Variants in IPO9 observed in about 807,000 individuals in gnomAD.
IPO9 encodes importin-9.
IPO9 carries 28 observed loss-of-function variants against 128.6 expected under a neutral mutation model. That is an observed-to-expected ratio of 0.22 (90% CI 0.16 to 0.30). The LOEUF (loss-of-function observed/expected upper bound fraction) is 0.30. Ranked by LOEUF, IPO9 falls within the 10% of genes least tolerant of loss-of-function variation. The pLI, the probability that IPO9 is intolerant of heterozygous loss-of-function variation, is 1.00. For synonymous variants in IPO9, 455 were observed against 475.8 expected, an observed-to-expected ratio of 0.96 and a Z score of 0.57; for missense variants, 935 against 1,293.9, an observed-to-expected ratio of 0.72 and a Z score of 4.26.
chr1:201,879,275 A>T lies in IPO9; in HGVS notation c.*3221A>T, dbSNP rs1333292179. ...GAGAAAATGATGCTAAACTGGTCTT[A>T]GAATCTTCTTTAATTTTGTTAACTA... On this transcript the variant is annotated 3_prime_UTR_variant, in exon 24 of 24. Transcript: ENST00000361565. The T allele has an allele frequency of 6.6e-6, 1 of 152,248 alleles. No individual in the cohort carries two copies. The highest frequency in any genetic ancestry group is 6.5e-5 in the Admixed American group (1 of 15,282). The allele number at this position is 152,248 out of a possible 1,614,324, so 9.4% of individuals were successfully genotyped here.
intron 1 of IPO9, among the ~76,000 whole-genome samples, chr1:201,834,112 G>T (rs1024441580): frequency 6.6e-5 from 10 of 151,828 alleles, no homozygotes; most frequent in African/African-American, 2.4e-4. Flanking sequence ...TTTTGAGTTT[G>T]ATCAGGTTTG....
intron 11 of IPO9, 101 bp from the exon 12 acceptor site, chr1:201,858,346 A>G: frequency 3.5e-6 from 2 of 569,306 alleles, no homozygotes; most frequent in Non-Finnish European, 3.1e-6. Flanking sequence ...TATGTGAAAG[A>G]GCTTGAACCA....
intron 14 of IPO9, among the ~76,000 whole-genome samples, chr1:201,864,794 A>G (rs1680519219): frequency 6.6e-6 from 1 of 152,172 alleles, no homozygotes; most frequent in Admixed American, 6.5e-5. Flanking sequence ...ATATATATAA[A>G]ATATTTTGTT....
chr1:201,875,858 C>A, intron 23 of IPO9, 86 bp from the exon 24 acceptor site: 1 of 816,696 alleles, frequency 1.2e-6, no homozygotes, highest in South Asian at 1.5e-5. Flanking sequence ...CCAGCATTCC[C>A]TGTGCCATTT....
At position 201,883,179 on chromosome 1, in the gene IPO9, C is replaced by CCG. The variant is rs1553293545; in HGVS notation, c.*7126_*7127insGC. On this transcript the variant is annotated 3_prime_UTR_variant, in exon 24 of 24. Transcript: ENST00000361565. ...ATTTGCTTTCACTAGATTCCCCCCCCCCCAACAACTTAGTCCAAGAACATA... is the reference window on the plus strand; with the variant it reads ...ATTTGCTTTCACTAGATTCCCCCCCCCGCCCAACAACTTAGTCCAAGAACATA... 6.7e-6 allele frequency: 1 copy of CCG among 149,008 alleles called. No homozygotes were observed. Among genetic ancestry groups the CCG allele is most frequent in the African/African-American group, 2.5e-5 (1 of 40,640 alleles). The allele number at this position is 149,008 out of a possible 1,614,324, so 9.2% of individuals were successfully genotyped here. A position where few individuals can be genotyped will look rare whatever the true frequency, so the allele number is the denominator to read the frequency against.
In IPO9 at chr1:201,879,114, C is replaced by G. The variant is rs1680834092; in HGVS notation, c.*3060C>G. The G allele has an allele frequency of 6.6e-6, 1 of 151,954 alleles. No homozygotes were observed. The highest frequency in any genetic ancestry group is 2.4e-5 in the African/African-American group (1 of 41,360). 9.4% of individuals were successfully genotyped at this position (151,954 alleles called of 1,614,324 possible). A position where few individuals can be genotyped will look rare whatever the true frequency, so the allele number is the denominator to read the frequency against. ...TATAAGACTGAAAAGAAGTTAAAGC[C>G]CTAGGAAGGAAGCTGATAACACAAG... is the stretch of plus-strand genomic sequence containing the variant. On this transcript the variant is annotated 3_prime_UTR_variant, in exon 24 of 24. Coordinates refer to ENST00000361565, the MANE Select transcript of IPO9 (RefSeq NM_018085.5).
At chr1:201,839,955 T>A (rs1443501544) in intron 1 of IPO9, among the ~76,000 whole-genome samples, 1 of 152,158 alleles carries the variant, frequency 6.6e-6, no homozygotes, top group Non-Finnish European at 1.5e-5. Flanking sequence ...TAAAGAATTC[T>A]TAAAAATTGA....
chr1:201,868,924 C>A, intron 16 of IPO9, 128 bp downstream of exon 16: 1 of 1,313,860 alleles, frequency 7.6e-7, no homozygotes, highest in Non-Finnish European at 1.0e-6. Context: ...AGCTCTTTTG[C>A]CTGCAAGGAC....
intron 1 of IPO9, among the ~76,000 whole-genome samples, chr1:201,829,980 C>T (rs964159974): frequency 2.0e-5 from 3 of 152,140 alleles, no homozygotes; most frequent in Admixed American, 2.0e-4. Context: ...ATAATTTGCC[C>T]TTATTAAATA....
chr1:201,868,269 T>C (rs1558224083), intron 15 of IPO9, among the ~76,000 whole-genome samples: 1 of 152,118 alleles, frequency 6.6e-6, no homozygotes, highest in Non-Finnish European at 1.5e-5. Flanking sequence ...TTTTGGCAAT[T>C]TTTGCAGCTT....
At chr1:201,873,634 C>G (rs902676172) in intron 20 of IPO9, among the ~76,000 whole-genome samples, 1 of 151,884 alleles carries the variant, frequency 6.6e-6, no homozygotes, top group Non-Finnish European at 1.5e-5. Flanking sequence ...GTAATCCCAG[C>G]TACTCGGGAG....
At position 201,872,804 on chromosome 1, in the gene IPO9, C is replaced by CT. The variant is rs1302624906; in HGVS notation, c.2577-17dup. ...AACTCGAGATGGGCGGCTGATTGAC[C>CT]TTTTTTTGGATCTTCCTTGCCAGCT... On this transcript the variant is annotated intron_variant, in intron 19 of 23. Transcript: ENST00000361565. 5 of 1,597,576 alleles carry CT rather than the reference C, an allele frequency of 3.1e-6. No homozygotes were observed. The South Asian group carries it at 3.4e-5, about 11-fold the overall frequency.
chr1:201,861,177 G>T (rs2644105), intron 13 of IPO9, among the ~76,000 whole-genome samples: 1 of 152,188 alleles, frequency 6.6e-6, no homozygotes, highest in Non-Finnish European at 1.5e-5. Context: ...AAAAAAAGAA[G>T]GAATGAAAGT....
intron 15 of IPO9, among the ~76,000 whole-genome samples, chr1:201,868,099 A>G (rs549428025): frequency 1.3e-5 from 2 of 152,304 alleles, no homozygotes; most frequent in African/African-American, 4.8e-5. Context: ...GTTTTGTTCT[A>G]TAGATAAAGA....
chr1:201,832,797 C>T (rs1679862249), intron 1 of IPO9, among the ~76,000 whole-genome samples: 1 of 152,210 alleles, frequency 6.6e-6, no homozygotes, highest in Non-Finnish European at 1.5e-5. Context: ...GGTCCGTTCC[C>T]TTTGCCAAAA....
chr1:201,852,041 T>G, intron 4 of IPO9, 63 bp from the exon 5 acceptor site: 1 of 1,053,090 alleles, frequency 9.5e-7, no homozygotes, highest in African/African-American at 1.6e-5. Flanking sequence ...TCAGAAAATA[T>G]CACACTTAAT....
Position 201,858,517 on chromosome 1 carries a change from A to T in IPO9, c.1292A>T (p.Glu431Val), listed in dbSNP as rs1387208138. ...LAAAATRHLQ[E>V]AEQTKNSGTE... ...GCTGCAGCCACTCGACATTTACAAGAAGCTGAGCAAACCAAAAACAGTGGC... is the reference window on the plus strand; with the variant it reads ...GCTGCAGCCACTCGACATTTACAAGTAGCTGAGCAAACCAAAAACAGTGGC... The change falls in exon 12 of 24, where the codon GAA becomes GTA. Residue 431 changes from glutamate to valine, a missense_variant. Glu to Val is a moderately radical substitution (Grantham distance 121, BLOSUM62 -2). This residue lies in a region of IPO9 where 741 missense variants were observed against 1,019.1 expected (regional missense o/e 0.73). Coordinates refer to ENST00000361565, the MANE Select transcript of IPO9 (RefSeq NM_018085.5). 1.3e-6 allele frequency: 2 copies of T among 1,591,828 alleles called. No individual in the cohort carries two copies.
intron 14 of IPO9, 133 bp downstream of exon 14, chr1:201,863,740 G>A (rs1220576171): frequency 2.6e-6 from 2 of 758,754 alleles, no homozygotes; most frequent in Non-Finnish European, 3.9e-6. Flanking sequence ...ATGTTGGAAG[G>A]ACAGGGAAAG....
intron 14 of IPO9, among the ~76,000 whole-genome samples, chr1:201,865,199 C>CT (rs201084995): frequency 0.22 from 29,646 of 132,782 alleles, 3,633 homozygotes; most frequent in East Asian, 0.38. Context: ...AACTATTTTT[C>CT]TTTTTTTTTT....
Sources: allele counts gnomAD v4.1 joint callset (sites outside exome capture counted in the v4.1 genomes callset), GRCh38; gene constraint gnomAD v4.1.1; regional missense constraint gnomAD v4.1.1; transcripts MANE v1.5; gene names NCBI Gene and HGNC (gene_info 2026-07-23, HGNC 2026-07-21).